CACNB4: variants seen among roughly 807,000 people sequenced by gnomAD.
The protein encoded by CACNB4 is voltage-dependent L-type calcium channel subunit beta-4.
In CACNB4, 32 loss-of-function variants were observed where a neutral mutation model predicts 71.2. The observed-to-expected ratio is 0.45, with a 90% CI of 0.34 to 0.60. The LOEUF (loss-of-function observed/expected upper bound fraction) is 0.60. CACNB4 is among the 20% of genes least tolerant of loss of function. The pLI, the probability that CACNB4 is intolerant of heterozygous loss-of-function variation, is 0.01. For synonymous variants in CACNB4, 231 were observed against 236.9 expected, an observed-to-expected ratio of 0.97 and a Z score of 0.23; for missense variants, 464 against 647.9, an observed-to-expected ratio of 0.72 and a Z score of 3.08.
chr2:151,875,793 G>GA, intron 5 of CACNB4, among the ~76,000 whole-genome samples: 1 of 128,032 alleles, frequency 7.8e-6, no homozygotes, highest in East Asian at 2.6e-4. Context: ...TGGCCGGGCA[G>GA]GGGGCTGACC....
chr2:151,845,995 T>C (rs763648876), intron 12 of CACNB4, among the ~76,000 whole-genome samples: 7 of 152,064 alleles, frequency 4.6e-5, no homozygotes, highest in Non-Finnish European at 8.8e-5. Context: ...AAAGCTAAAA[T>C]GGCAGAGAAG....
chr2:151,876,091 G>C (rs1432162662), intron 5 of CACNB4, among the ~76,000 whole-genome samples: 1 of 152,034 alleles, frequency 6.6e-6, no homozygotes, highest in Non-Finnish European at 1.5e-5. Context: ...CTCTGTAAGC[G>C]AACCAAGAGG....
chr2:152,068,509 T>C (rs1458502138), intron 2 of CACNB4, among the ~76,000 whole-genome samples: 1 of 152,196 alleles, frequency 6.6e-6, no homozygotes, highest in African/African-American at 2.4e-5. Flanking sequence ...GGGAGTGGTT[T>C]TAGACCAGGG....
chr2:151,975,542 G>A (rs1217563810), intron 2 of CACNB4, among the ~76,000 whole-genome samples: 2 of 152,156 alleles, frequency 1.3e-5, no homozygotes, highest in Non-Finnish European at 2.9e-5. Context: ...ACAGCAGCAG[G>A]GGATGAGTGC....
intron 2 of CACNB4, among the ~76,000 whole-genome samples, chr2:151,977,983 A>G (rs1187548119): frequency 6.6e-6 from 1 of 152,254 alleles, no homozygotes; most frequent in Admixed American, 6.5e-5. Context: ...CTGCTCTGCA[A>G]GTAATAGTAC....
intron 2 of CACNB4, among the ~76,000 whole-genome samples, chr2:152,096,193 A>G (rs184246858): frequency 2.0e-5 from 3 of 152,120 alleles, no homozygotes; most frequent in Admixed American, 1.3e-4. Context: ...TGCTCATAAA[A>G]ATTAAGTAGC....
At chr2:151,981,313 C>CT (rs1292930692) in intron 2 of CACNB4, among the ~76,000 whole-genome samples, 5 of 142,662 alleles carry the variant, frequency 3.5e-5, no homozygotes, top group Non-Finnish European at 7.6e-5. Flanking sequence ...AAAATTCACA[C>CT]TGTGAGCCTT....
intron 2 of CACNB4, among the ~76,000 whole-genome samples, chr2:152,087,171 G>A (rs1323583001): frequency 8.6e-5 from 13 of 150,810 alleles, no homozygotes; most frequent in Admixed American, 3.3e-4. Context: ...GGTGGCTCAT[G>A]CCTATAATCC....
chr2:152,044,371 T>A (rs2709769), intron 2 of CACNB4, among the ~76,000 whole-genome samples: 1 of 151,910 alleles, frequency 6.6e-6, no homozygotes, highest in Non-Finnish European at 1.5e-5. Context: ...CAGGTGCGCA[T>A]CACCATGCAT....
chr2:151,857,183 T>A (rs542147911), intron 10 of CACNB4: 2 of 152,266 alleles, frequency 1.3e-5, no homozygotes, highest in African/African-American at 4.8e-5. Context: ...TGCAGGGTCA[T>A]GAATACTCAA....
At chr2:151,879,820 G>C (rs1186936744) in intron 4 of CACNB4, 4 of 152,230 alleles carry the variant, frequency 2.6e-5, no homozygotes, top group Non-Finnish European at 5.9e-5. Flanking sequence ...GACAAATTGA[G>C]ACCTTGATAC....
chr2:152,051,096 C>A (rs938145874), intron 2 of CACNB4, among the ~76,000 whole-genome samples: 3 of 152,046 alleles, frequency 2.0e-5, no homozygotes, highest in African/African-American at 7.2e-5. Flanking sequence ...AACACCACCA[C>A]CAACCACAGA....
chr2:152,037,978 C>G (rs979309129), intron 2 of CACNB4, among the ~76,000 whole-genome samples: 3 of 152,330 alleles, frequency 2.0e-5, no homozygotes, highest in East Asian at 3.9e-4. Flanking sequence ...GGAACCACCC[C>G]CAAGGAGGCC....
At chr2:152,052,361 C>CG (rs1685484142) in intron 2 of CACNB4, among the ~76,000 whole-genome samples, 1 of 152,086 alleles carries the variant, frequency 6.6e-6, no homozygotes, top group Admixed American at 6.6e-5. Flanking sequence ...AGTACAGTGG[C>CG]GTGATCTCGG....
intron 4 of CACNB4, among the ~76,000 whole-genome samples, chr2:151,878,103 ATATATT>A (rs1559917940): frequency 6.6e-6 from 1 of 152,124 alleles, no homozygotes; most frequent in African/African-American, 2.4e-5. Context: ...CCCAAAATAT[ATATATT>A]TATAAACATA....
chr2:151,846,000 G>A (rs751061941), intron 12 of CACNB4, among the ~76,000 whole-genome samples: 2 of 152,186 alleles, frequency 1.3e-5, no homozygotes, highest in Non-Finnish European at 2.9e-5. Flanking sequence ...TAAAATGGCA[G>A]AGAAGAAAGA....
chr2:151,975,042 A>G (rs2151740347), intron 2 of CACNB4, among the ~76,000 whole-genome samples: 1 of 152,340 alleles, frequency 6.6e-6, no homozygotes, highest in Non-Finnish European at 1.5e-5. Flanking sequence ...TGGACCAGTC[A>G]GTCACCATCT....
At chr2:152,095,538 C>T (rs1688219706) in intron 2 of CACNB4, among the ~76,000 whole-genome samples, 1 of 152,014 alleles carries the variant, frequency 6.6e-6, no homozygotes, top group African/African-American at 2.4e-5. Context: ...CCACTATCTT[C>T]TTCAAAGGCA....
chr2:151,869,969 G>A (rs1302972417), intron 8 of CACNB4: 5 of 498,202 alleles, frequency 1.0e-5, no homozygotes, highest in South Asian at 3.1e-5. Context: ...CATCTGAAAC[G>A]AAGTCTCTAC....
Sources: gnomAD v4.1 joint callset for allele counts (sites outside exome capture counted in the v4.1 genomes callset) on GRCh38, gnomAD v4.1.1 for gene constraint, MANE v1.5 for transcripts, NCBI Gene and HGNC (gene_info 2026-07-23, HGNC 2026-07-21) for gene names.